The following SCN9A variants were observed in gnomAD, a reference collection of about 807,000 sequenced individuals.
SCN9A encodes the protein sodium channel protein type 9 subunit alpha.
A neutral mutation model predicts 187.0 loss-of-function variants in SCN9A; 131 were observed. The observed-to-expected ratio is 0.70, with a 90% CI of 0.61 to 0.81. The LOEUF (loss-of-function observed/expected upper bound fraction) is 0.81. Ranked by LOEUF, SCN9A falls within the 30% of genes least tolerant of loss-of-function variation. The pLI, the probability that SCN9A is intolerant of heterozygous loss-of-function variation, is 0.00. For missense variants in SCN9A, 2,252 were observed against 2,396.6 expected (o/e 0.94, Z 1.26); for synonymous variants, 809 against 808.6 (o/e 1.00, Z -0.01).
chr2:166,335,441 A>C (rs1699603170), intron 1 of SCN9A, among the ~76,000 whole-genome samples: 1 of 152,134 alleles, frequency 6.6e-6, no homozygotes, highest in Admixed American at 6.6e-5. Context: ...GGTTTGGGGA[A>C]ATGTGCAGAG....
In SCN9A at chr2:166,305,909, G is replaced by C. The variant is rs1242250274; in HGVS notation, c.479C>G (p.Thr160Ser). 1.2e-6 allele frequency: 2 copies of C among 1,612,762 alleles called. No homozygotes were observed. The highest frequency in any genetic ancestry group is 3.3e-5 in the Admixed American group (2 of 59,890). The change falls in exon 5 of 27, where the codon ACT (threonine) becomes AGT (serine). Residue 160 changes from threonine to serine, a missense_variant. Physicochemically the swap from Thr to Ser is moderately conservative, Grantham distance 58 (BLOSUM62 1). Around this residue, in one of 7 missense-constraint regions of SCN9A, gnomAD observed 1,013 missense variants for 997.4 expected, o/e 1.02. Transcript: ENST00000642356. ...AAGTGATTCAAAAGTATATATTCCA[G>C]TAAAAGTGTACCTAAACACAAGATT... The part of the protein sequence containing the change: ...DWTKNVEYTF[T>S]GIYTFESLVK...
chr2:166,345,533 A>C, intron 1 of SCN9A, among the ~76,000 whole-genome samples: 1 of 151,932 alleles, frequency 6.6e-6, no homozygotes, highest in East Asian at 1.9e-4. Flanking sequence ...AACAAAAAAA[A>C]GTAGGGAAAA....
At chr2:166,329,807 T>A (rs1483555400) in intron 1 of SCN9A, among the ~76,000 whole-genome samples, 1 of 152,130 alleles carries the variant, frequency 6.6e-6, no homozygotes, top group African/African-American at 2.4e-5. Flanking sequence ...GGAAGGAAGA[T>A]GAGTAGAAAT....
At chr2:166,217,327 G>T (rs1694376209) in intron 24 of SCN9A, among the ~76,000 whole-genome samples, 1 of 151,982 alleles carries the variant, frequency 6.6e-6, no homozygotes, top group Non-Finnish European at 1.5e-5. Flanking sequence ...GACTCTAAAA[G>T]CACAGGTAAC....
Position 166,199,760 on chromosome 2 carries a change from C to A in SCN9A, c.4879G>T (p.Ala1627Ser). Residue 1627 changes from alanine (A) to serine (S), a missense_variant, in exon 27 of 27, where the codon GCA becomes TCA. Physicochemically the swap from Ala to Ser is moderately conservative, Grantham distance 99 (BLOSUM62 1). Transcript: ENST00000642356. ...AAGAGCAGCGTGCGGATCCCCTTTG[C>A]TCCTTTGACTAGACGTAGGATTCGG... is the stretch of plus-strand genomic sequence containing the variant. ...IGRILRLVKGAKGIRTLLFAL... is the reference protein window; with the variant it reads ...IGRILRLVKGSKGIRTLLFAL... 1.2e-6 allele frequency: 2 copies of A among 1,614,062 alleles called. No homozygotes were observed. The highest frequency in any genetic ancestry group is 1.7e-6 in the Non-Finnish European group (2 of 1,180,022).
At chr2:166,261,177 A>G (rs1016587854) in intron 17 of SCN9A, among the ~76,000 whole-genome samples, 16 of 151,924 alleles carry the variant, frequency 1.1e-4, no homozygotes, top group African/African-American at 2.9e-4. Flanking sequence ...AATAATTAGT[A>G]GCAGTAGTAA....
intron 1 of SCN9A, among the ~76,000 whole-genome samples, chr2:166,353,376 C>T (rs1296213836): frequency 6.6e-6 from 1 of 152,036 alleles, no homozygotes; most frequent in African/African-American, 2.4e-5. Context: ...ATAATCTTCC[C>T]ATGACTAAAA....
At chr2:166,328,503 A>G (rs1699421082) in intron 1 of SCN9A, among the ~76,000 whole-genome samples, 1 of 152,082 alleles carries the variant, frequency 6.6e-6, no homozygotes, top group Admixed American at 6.6e-5. Context: ...TTTTTATTTA[A>G]GTATGTTATA....
chr2:166,331,002 A>G (rs1699489795), intron 1 of SCN9A, among the ~76,000 whole-genome samples: 1 of 152,078 alleles, frequency 6.6e-6, no homozygotes, highest in Admixed American at 6.6e-5. Flanking sequence ...GTTGAGAAAA[A>G]ATGCAAAAAT....
chr2:166,242,714 T>C (rs1695623203), intron 18 of SCN9A, 58 bp from the exon 19 acceptor site: 8 of 1,329,934 alleles, frequency 6.0e-6, no homozygotes, highest in Non-Finnish European at 8.2e-6. Flanking sequence ...AAATTTTTAA[T>C]ACATTATTTA....
In SCN9A at chr2:166,195,820, A is replaced by G. The variant is rs370602983; in HGVS notation, c.*2852T>C. On this transcript the variant is annotated 3_prime_UTR_variant, in exon 27 of 27. Coordinates refer to ENST00000642356, the MANE Select transcript of SCN9A (RefSeq NM_001365536.1). ...CCCCAGCATGTTGGCAGGTCATGAC[A>G]GTAGGAACACTTGAAGCCAGGAGTT... 6 of 152,356 alleles carry G rather than the reference A, an allele frequency of 3.9e-5. No individual in the cohort carries two copies. The East Asian group carries it at 1.2e-3, about 29-fold the overall frequency. The allele number at this position is 152,356 out of a possible 1,614,324, so 9.4% of individuals were successfully genotyped here. A position where few individuals can be genotyped will look rare whatever the true frequency, so the allele number is the denominator to read the frequency against.
intron 1 of SCN9A, among the ~76,000 whole-genome samples, chr2:166,360,236 GAA>G (rs79741845): frequency 2.7e-4 from 12 of 43,840 alleles, no homozygotes; most frequent in Non-Finnish European, 4.2e-4. Flanking sequence ...AAAAAAAAAA[GAA>G]AAAAAAAAAA....
At chr2:166,211,857 G>T (rs774292536) in intron 24 of SCN9A, among the ~76,000 whole-genome samples, 1 of 151,784 alleles carries the variant, frequency 6.6e-6, no homozygotes, top group African/African-American at 2.4e-5. Flanking sequence ...GAGAGAAAAA[G>T]ACAGAAAAAA....
At chr2:166,343,578 A>C (rs2105286101) in intron 1 of SCN9A, among the ~76,000 whole-genome samples, 1 of 152,164 alleles carries the variant, frequency 6.6e-6, no homozygotes, top group Middle Eastern at 3.4e-3. Flanking sequence ...ACATGTCTTT[A>C]CTTCTCTAAA....
At chr2:166,335,824 A>G (rs1699612589) in intron 1 of SCN9A, among the ~76,000 whole-genome samples, 1 of 152,142 alleles carries the variant, frequency 6.6e-6, no homozygotes, top group African/African-American at 2.4e-5. Context: ...TTACCTGTTC[A>G]CAACTTGAAA....
Position 166,198,500 on chromosome 2 carries a change from A to T in SCN9A, c.*172T>A. ...TTCTTAAAGAATCATCAGTGCAAAA[A>T]TAACCATCTGCTAATGCTGCCCACC... On this transcript the variant is annotated 3_prime_UTR_variant, in exon 27 of 27. Transcript: ENST00000642356. 1 of 580,776 alleles carries T rather than the reference A, an allele frequency of 1.7e-6. No individual in the cohort carries two copies. Among genetic ancestry groups the T allele is most frequent in the Non-Finnish European group, 3.0e-6 (1 of 330,394 alleles). The allele number at this position is 580,776 out of a possible 1,614,324, so 36.0% of individuals were successfully genotyped here.
chr2:166,239,625 C>T (rs1695478489), intron 19 of SCN9A, among the ~76,000 whole-genome samples: 1 of 152,072 alleles, frequency 6.6e-6, no homozygotes, highest in Non-Finnish European at 1.5e-5. Context: ...AGGCTTCTAG[C>T]CCTCAGGATT....
intron 1 of SCN9A, among the ~76,000 whole-genome samples, chr2:166,312,041 A>G (rs1423000633): frequency 6.6e-6 from 1 of 152,178 alleles, no homozygotes; most frequent in Non-Finnish European, 1.5e-5. Context: ...TCATAGCTTT[A>G]AAGTAAAAAA....
intron 1 of SCN9A, among the ~76,000 whole-genome samples, chr2:166,369,054 T>C (rs1343304825): frequency 6.6e-6 from 1 of 152,064 alleles, no homozygotes; most frequent in Non-Finnish European, 1.5e-5. Flanking sequence ...GATACCATTA[T>C]TGAACATCTA....
Sources: gnomAD v4.1 joint callset for allele counts (sites outside exome capture counted in the v4.1 genomes callset) on GRCh38, gnomAD v4.1.1 for gene constraint, gnomAD v4.1.1 regional missense constraint, MANE v1.5 for transcripts, NCBI Gene and HGNC (gene_info 2026-07-23, HGNC 2026-07-21) for gene names.